PRRC2C: variants seen among roughly 807,000 people sequenced by gnomAD.
PRRC2C encodes the protein protein PRRC2C.
In PRRC2C, 72 loss-of-function variants were observed where a neutral mutation model predicts 317.2. That is an observed-to-expected ratio of 0.23 (90% CI 0.19 to 0.28). The LOEUF is 0.28. Ranked by LOEUF, PRRC2C falls within the 10% of genes least tolerant of loss-of-function variation. PRRC2C has a pLI of 1.00. For synonymous variants in PRRC2C, 1,296 were observed against 1,205.9 expected (o/e 1.07, Z -1.55); for missense variants, 3,074 against 3,459.7 (o/e 0.89, Z 2.80).
chr1:171,509,007 C>T (rs1670789532), intron 1 of PRRC2C, among the ~76,000 whole-genome samples: 1 of 152,156 alleles, frequency 6.6e-6, no homozygotes, highest in Non-Finnish European at 1.5e-5. Context: ...CTGCCTCAGC[C>T]TCCCGAGTAG....
At chr1:171,558,202 T>C in intron 19 of PRRC2C, 59 bp downstream of exon 19, 1 of 1,493,322 alleles carries the variant, frequency 6.7e-7, no homozygotes, top group Non-Finnish European at 9.0e-7. Flanking sequence ...GAGGTTTCTT[T>C]TCAATTTTAT....
chr1:171,575,768 A>T (rs1404515115), intron 25 of PRRC2C, among the ~76,000 whole-genome samples: 2 of 152,196 alleles, frequency 1.3e-5, no homozygotes, highest in Non-Finnish European at 2.9e-5. Context: ...ACTCTAGAAA[A>T]GTACACCCTT....
At chr1:171,517,231 C>G (rs185429479) in intron 5 of PRRC2C, among the ~76,000 whole-genome samples, 1 of 152,218 alleles carries the variant, frequency 6.6e-6, no homozygotes, top group African/African-American at 2.4e-5. Flanking sequence ...TGTAGAAGTC[C>G]CATCTTCCTT....
chr1:171,531,443 T>C (rs1304594605), intron 11 of PRRC2C, among the ~76,000 whole-genome samples: 2 of 152,216 alleles, frequency 1.3e-5, no homozygotes, highest in Non-Finnish European at 2.9e-5. Context: ...GTAATTTGCA[T>C]ATGATGGCAC....
chr1:171,526,805 C>CTTTTTTTTTTTTTTTTTTTTTTTTT lies in PRRC2C; in HGVS notation c.1201-965_1201-964insTTTTTTTTTTTTTTTTTTTTTTTTT, dbSNP rs938229816. Among the ~76,000 whole-genome samples, 21 of 90,208 alleles carry CTTTTTTTTTTTTTTTTTTTTTTTTT rather than the reference C, an allele frequency of 2.3e-4. 3 individuals are homozygous for CTTTTTTTTTTTTTTTTTTTTTTTTT. The highest frequency in any genetic ancestry group is 4.6e-4 in the African/African-American group (10 of 21,570). The allele number at this position is 90,208 out of a possible 152,430, so 59.2% of individuals were successfully genotyped here. A position where few individuals can be genotyped will look rare whatever the true frequency, so the allele number is the denominator to read the frequency against. On this transcript the variant is annotated intron_variant, in intron 10 of 34. Coordinates refer to ENST00000647382, the MANE Select transcript of PRRC2C (RefSeq NM_001387844.1). ...AAAATCATTACATTCAGAAATATAT[C>CTTTTTTTTTTTTTTTTTTTTTTTTT]TTTTTTTTTTTTTTTTTTTTTGAGA...
intron 30 of PRRC2C, among the ~76,000 whole-genome samples, chr1:171,584,963 A>T (rs997534515): frequency 7.2e-5 from 11 of 152,144 alleles, no homozygotes; most frequent in African/African-American, 2.6e-4. Context: ...TTTTGTAGAG[A>T]CAGGGTTTTG....
chr1:171,528,040 AAAT>A (rs1674985741), intron 11 of PRRC2C, among the ~76,000 whole-genome samples, 196 bp downstream of exon 11: 1 of 152,108 alleles, frequency 6.6e-6, no homozygotes, highest in Admixed American at 6.6e-5. Context: ...TTCACTAAGA[AAAT>A]AAGAAGTACC....
At chr1:171,507,161 G>T (rs181893465) in intron 1 of PRRC2C, among the ~76,000 whole-genome samples, 119 of 152,282 alleles carry the variant, frequency 7.8e-4, no homozygotes, top group Admixed American at 9.2e-4. Flanking sequence ...GGGAAGAACC[G>T]AGGTGGGAGG....
At chr1:171,535,621 T>A in intron 13 of PRRC2C, 24 bp downstream of exon 13, 1 of 1,608,662 alleles carries the variant, frequency 6.2e-7, no homozygotes, top group Admixed American at 1.7e-5. Context: ...TATTTTATCA[T>A]GTATGTGTGA....
At chr1:171,574,164 C>T (rs529182981) in intron 24 of PRRC2C, among the ~76,000 whole-genome samples, 1 of 151,650 alleles carries the variant, frequency 6.6e-6, no homozygotes, top group Non-Finnish European at 1.5e-5. Context: ...ATTAAAAAAA[C>T]TTATAAAATA....
intron 10 of PRRC2C, among the ~76,000 whole-genome samples, chr1:171,525,534 A>G (rs1393398240): frequency 1.3e-5 from 2 of 152,230 alleles, no homozygotes; most frequent in Non-Finnish European, 2.9e-5. Flanking sequence ...TTATTAAGGA[A>G]TCAGTATAGT....
At chr1:171,537,610 G>A (rs546780682) in intron 15 of PRRC2C, 137 bp downstream of exon 15, 111 of 795,684 alleles carry the variant, frequency 1.4e-4, no homozygotes, top group Middle Eastern at 3.7e-4. Flanking sequence ...AGCATGCTAC[G>A]CTTACTCTTT....
At chr1:171,550,938 G>C (rs539103869) in intron 18 of PRRC2C, among the ~76,000 whole-genome samples, 2 of 152,292 alleles carry the variant, frequency 1.3e-5, no homozygotes, top group South Asian at 4.1e-4. Context: ...ACGTGTGCAT[G>C]TGTCTTTATA....
intron 20 of PRRC2C, among the ~76,000 whole-genome samples, chr1:171,563,152 A>G (rs1683010625): frequency 6.6e-6 from 1 of 152,112 alleles, no homozygotes; most frequent in African/African-American, 2.4e-5. Flanking sequence ...TTAAGAGGAA[A>G]TGAAAGGAAA....
Position 171,541,279 on chromosome 1 carries a change from T to C in PRRC2C, c.3813T>C (p.Ser1271=), listed in dbSNP as rs766172987. 1.2e-6 allele frequency: 2 copies of C among 1,613,816 alleles called. No homozygotes were observed. The highest frequency in any genetic ancestry group is 2.2e-5 in the South Asian group (2 of 91,072). ...GGGGTTCAGAGACTGACACAGACAG[T>C]GAAATTCATGAAAGTGCAAGTGACA... ...RQRGSETDTD[S]EIHESASDKD... is the part of the protein sequence containing the mutation. Residue 1271 remains serine, a synonymous_variant, in exon 16 of 35, where the codon AGT becomes AGC. Coordinates refer to ENST00000647382, the MANE Select transcript of PRRC2C (RefSeq NM_001387844.1). This position sits in a 1 kb window ranked among gnomAD's most constrained non-coding sequence, Gnocchi z 4.1.
chr1:171,545,615 C>A lies in PRRC2C; in HGVS notation c.4900C>A (p.Pro1634Thr). 6.2e-7 allele frequency: 1 copy of A among 1,612,642 alleles called. No homozygotes were observed. Among genetic ancestry groups the A allele is most frequent in the South Asian group, 1.1e-5 (1 of 90,666 alleles). ...TTCTACTGGGAAAAAAAGAGAAGAC[C>A]CCAAACCAGGCCCTAAAAAACCAAA... The part of the protein sequence containing the change: ...KDSTGKKRED[P>T]KPGPKKPKEK... Residue 1634 changes from proline to threonine, a missense_variant, in exon 17 of 35, where the codon CCC becomes ACC. Physicochemically the swap from Pro to Thr is conservative, Grantham distance 38. This residue lies in a region of PRRC2C where 178 missense variants were observed against 163.0 expected (regional missense o/e 1.09). Coordinates refer to ENST00000647382, the MANE Select transcript of PRRC2C (RefSeq NM_001387844.1).
chr1:171,531,478 CA>C (rs1190278513), intron 11 of PRRC2C, among the ~76,000 whole-genome samples: 2 of 152,168 alleles, frequency 1.3e-5, no homozygotes, highest in Non-Finnish European at 2.9e-5. Context: ...AGTCTGCATT[CA>C]TTTAAAAAGA....
At position 171,539,964 on chromosome 1, in the gene PRRC2C, A is replaced by T. The variant is rs1160601330; in HGVS notation, c.2505-7A>T. On this transcript the variant is annotated splice_polypyrimidine_tract_variant and splice_region_variant and intron_variant, in intron 15 of 34. Transcript: ENST00000647382. Reference sequence around the variant, plus strand: ...TTGATTATACCTTTGAATTCTTATCATCATAGGTCTGAAGCTGCGTTGGAC... The same window carrying T: ...TTGATTATACCTTTGAATTCTTATCTTCATAGGTCTGAAGCTGCGTTGGAC... 6.3e-7 allele frequency: 1 copy of T among 1,587,008 alleles called. No individual in the cohort carries two copies. Among genetic ancestry groups the T allele is most frequent in the Non-Finnish European group, 8.6e-7 (1 of 1,168,582 alleles).
intron 16 of PRRC2C, among the ~76,000 whole-genome samples, chr1:171,543,166 G>C (rs138478754): frequency 6.7e-6 from 1 of 148,876 alleles, no homozygotes; most frequent in Non-Finnish European, 1.5e-5. Context: ...TCAGGATATC[G>C]AGACCATCCT....
Sources: gnomAD v4.1 joint callset for allele counts (sites outside exome capture counted in the v4.1 genomes callset) on GRCh38, gnomAD v4.1.1 for gene constraint, gnomAD v4.1.1 regional missense constraint, Gnocchi (gnomAD v3.1) non-coding constraint, MANE v1.5 for transcripts, NCBI Gene and HGNC (gene_info 2026-07-23, HGNC 2026-07-21) for gene names.